The following PCDHGB2 variants were observed in gnomAD, a reference collection of about 807,000 sequenced individuals.
The protein encoded by PCDHGB2 is protocadherin gamma-B2.
A neutral mutation model predicts 59.3 loss-of-function variants in PCDHGB2; 55 were observed. The observed-to-expected ratio is 0.93, with a 90% CI of 0.75 to 1.16. The LOEUF is 1.16. Among genes scored for constraint, PCDHGB2 ranks in the 50% most tolerant of loss-of-function variants. The pLI, the probability that PCDHGB2 is intolerant of heterozygous loss-of-function variation, is 0.00. For synonymous variants in PCDHGB2, 516 were observed against 512.0 expected, an observed-to-expected ratio of 1.01 and a Z score of -0.11; for missense variants, 1,228 against 1,198.5, an observed-to-expected ratio of 1.02 and a Z score of -0.36.
At chr5:141,403,083 T>A (rs775664314) in intron 1 of PCDHGB2, 2 of 1,613,932 alleles carry the variant, frequency 1.2e-6, no homozygotes, top group East Asian at 4.5e-5. Flanking sequence ...AAGGGCTATA[T>A]TGTGGGCAAC....
rs11575954 is a variant in PCDHGB2 at position 141,376,006 on chromosome 5, C to A, written c.2421+13450C>A. 8.7e-3 allele frequency: 14,039 copies of A among 1,613,452 alleles called. 99 individuals carry two copies. Among genetic ancestry groups the A allele is most frequent in the Middle Eastern group, 0.011 (63 of 5,814 alleles). ...TGGACAGAGACGCGCTCAAGCAGAGCCTAGTGGTGGCCGTCCAGGACCACG... is the reference window on the plus strand; with the variant it reads ...TGGACAGAGACGCGCTCAAGCAGAGACTAGTGGTGGCCGTCCAGGACCACG... On this transcript the variant is annotated intron_variant, in intron 1 of 3. Transcript: ENST00000522605.
chr5:141,481,142 G>T (rs2099532501), intron 1 of PCDHGB2, among the ~76,000 whole-genome samples: 1 of 152,212 alleles, frequency 6.6e-6, no homozygotes, highest in Non-Finnish European at 1.5e-5. Context: ...GAAGTAAAGT[G>T]TTATTCTGGT....
chr5:141,375,784 C>T, intron 1 of PCDHGB2: 1 of 1,614,254 alleles, frequency 6.2e-7, no homozygotes. Context: ...ACCCCGCCCT[C>T]CCCACAGACG....
At position 141,490,370 on chromosome 5, in the gene PCDHGB2, G is replaced by C. The variant is rs768474199; in HGVS notation, c.2422-4437G>C. ...GTGGGGTTGTTTAATGTGCGAGACC[G>C]GGACTCAGGTAGAAATGGTGAAGTG... On this transcript the variant is annotated intron_variant, in intron 1 of 3. Coordinates refer to ENST00000522605, the MANE Select transcript of PCDHGB2 (RefSeq NM_018923.3). The surrounding 1 kb of genome is among the most constrained non-coding windows in gnomAD (Gnocchi z 5.4). 1 of 1,614,172 alleles carries C rather than the reference G, an allele frequency of 6.2e-7. No individual in the cohort carries two copies. Among genetic ancestry groups the C allele is most frequent in the Admixed American group, 1.7e-5 (1 of 60,026 alleles).
chr5:141,427,817 G>A, intron 1 of PCDHGB2: 2 of 1,528,134 alleles, frequency 1.3e-6, no homozygotes, highest in Non-Finnish European at 1.8e-6. Flanking sequence ...AGAGCGGGGT[G>A]GTGGTCGCGC....
chr5:141,392,971 G>T (rs2092639952), intron 1 of PCDHGB2: 1 of 1,613,896 alleles, frequency 6.2e-7, no homozygotes, highest in Non-Finnish European at 8.5e-7. Flanking sequence ...AAGGACCTGG[G>T]GCTGGACCCC....
chr5:141,443,288 C>T (rs2098378643), intron 1 of PCDHGB2, among the ~76,000 whole-genome samples: 1 of 150,180 alleles, frequency 6.7e-6, no homozygotes, highest in Non-Finnish European at 1.5e-5. Context: ...TGAGACCAGC[C>T]TGGACAGCAT....
intron 1 of PCDHGB2, among the ~76,000 whole-genome samples, chr5:141,405,652 G>GT (rs1479754913): frequency 6.6e-6 from 1 of 152,034 alleles, no homozygotes; most frequent in Non-Finnish European, 1.5e-5. Flanking sequence ...TTTTTTGTGT[G>GT]TTTTTAGTAG....
chr5:141,423,514 G>T (rs1208270970), intron 1 of PCDHGB2: 2 of 1,613,812 alleles, frequency 1.2e-6, no homozygotes, highest in Non-Finnish European at 1.7e-6. Flanking sequence ...TCTCATTGCG[G>T]ACTCGCAGAA....
chr5:141,509,067 C>T (rs987332283), intron 3 of PCDHGB2, among the ~76,000 whole-genome samples: 1 of 152,132 alleles, frequency 6.6e-6, no homozygotes, highest in African/African-American at 2.4e-5. Flanking sequence ...CTCTCAGCTC[C>T]GGGGATTTGC....
Position 141,382,863 on chromosome 5 carries a change from C to G in PCDHGB2, c.2421+20307C>G, listed in dbSNP as rs1214467888. 4 of 1,516,660 alleles carry G rather than the reference C, an allele frequency of 2.6e-6. No homozygotes were observed. The South Asian group carries it at 4.0e-5, about 15-fold the overall frequency. The allele number at this position is 1,516,660 out of a possible 1,614,324, so 94.0% of individuals were successfully genotyped here. On this transcript the variant is annotated intron_variant, in intron 1 of 3. Coordinates refer to ENST00000522605, the MANE Select transcript of PCDHGB2 (RefSeq NM_018923.3). ...ATACACCCGCATTCTGAAGCACTTC[C>G]CGAGATCGGCGCCTAAGCAAGAGAA... is the stretch of plus-strand genomic sequence containing the variant.
At chr5:141,393,683 G>C (rs370409157) in intron 1 of PCDHGB2, 2 of 1,613,850 alleles carry the variant, frequency 1.2e-6, no homozygotes, top group East Asian at 4.5e-5. Flanking sequence ...AACAAACTCC[G>C]TTATTCCAGC....
At chr5:141,406,650 C>T (rs2094835563) in intron 1 of PCDHGB2, among the ~76,000 whole-genome samples, 1 of 152,130 alleles carries the variant, frequency 6.6e-6, no homozygotes, top group Non-Finnish European at 1.5e-5. Context: ...TTTCCTAATG[C>T]TTTAATGTTA....
rs1353944459 is a variant in PCDHGB2, at chr5:141,365,774, G to A, written c.2421+3218G>A. 3 of 1,613,874 alleles carry A rather than the reference G, an allele frequency of 1.9e-6. No individual in the cohort carries two copies. The highest frequency in any genetic ancestry group is 1.3e-5 in the African/African-American group (1 of 75,032). On this transcript the variant is annotated intron_variant, in intron 1 of 3. Transcript: ENST00000522605. ...TGTGACAGCCCATGACCCCGACAGC[G>A]GCGACAACGCTCGAGTCACCTACTC...
At chr5:141,425,524 G>C (rs2096881323) in intron 1 of PCDHGB2, among the ~76,000 whole-genome samples, 1 of 152,184 alleles carries the variant, frequency 6.6e-6, no homozygotes, top group Non-Finnish European at 1.5e-5. Context: ...GATGAAACAT[G>C]AAACAATAAT....
chr5:141,474,703 C>A (rs2099353282), intron 1 of PCDHGB2, among the ~76,000 whole-genome samples: 1 of 152,188 alleles, frequency 6.6e-6, no homozygotes, highest in African/African-American at 2.4e-5. Flanking sequence ...GTTCAAGGTT[C>A]TATTATACTT....
intron 1 of PCDHGB2, chr5:141,428,680 G>T: frequency 6.1e-6 from 1 of 162,778 alleles, no homozygotes; most frequent in Admixed American, 5.8e-5. Context: ...ATTTACAAAT[G>T]GATGAGGTTT....
rs202187251 is a variant in PCDHGB2, at chr5:141,361,781, G to A, written c.1646G>A (p.Arg549His). ...SPALSANVSLRVLVGDLNDNA... is the reference protein window; with the variant it reads ...SPALSANVSLHVLVGDLNDNA... Reference sequence around the variant, plus strand: ...GCGCTCAGCGCCAACGTGAGCCTGCGCGTGTTAGTGGGCGACCTCAATGAC... The same window carrying A: ...GCGCTCAGCGCCAACGTGAGCCTGCACGTGTTAGTGGGCGACCTCAATGAC... The change falls in exon 1 of 4, where the codon CGC (arginine) becomes CAC (histidine). Residue 549 changes from arginine to histidine, a missense_variant. By Grantham distance (29) the Arg-to-His change is conservative. Transcript: ENST00000522605. The A allele has an allele frequency of 3.1e-4, 505 of 1,613,104 alleles. No homozygotes were observed. Among genetic ancestry groups the A allele is most frequent in the Non-Finnish European group, 3.8e-4 (452 of 1,179,752 alleles).
rs1561526644 is a variant in PCDHGB2 at position 141,362,374 on chromosome 5, A to T, written c.2239A>T (p.Thr747Ser). 1 of 1,614,036 alleles carries T rather than the reference A, an allele frequency of 6.2e-7. No individual in the cohort carries two copies. The highest frequency in any genetic ancestry group is 1.7e-5 in the Admixed American group (1 of 60,030). The change falls in exon 1 of 4, where the codon ACA becomes TCA. Residue 747 changes from threonine (T) to serine (S), a missense_variant. Coordinates refer to ENST00000522605, the MANE Select transcript of PCDHGB2 (RefSeq NM_018923.3). Reference protein sequence around the residue: ...PGVLPNYSEGTLPYSYNLCVA... With the variant: ...PGVLPNYSEGSLPYSYNLCVA... ...GGTTCTCCCCAATTACAGTGAGGGT[A>T]CATTGCCCTATTCCTACAACCTGTG...
Sources: gnomAD v4.1 joint callset for allele counts (sites outside exome capture counted in the v4.1 genomes callset) on GRCh38, gnomAD v4.1.1 for gene constraint, Gnocchi (gnomAD v3.1) non-coding constraint, MANE v1.5 for transcripts, NCBI Gene and HGNC (gene_info 2026-07-23, HGNC 2026-07-21) for gene names.